Variants in KCND3 observed in about 807,000 individuals in gnomAD.
KCND3 encodes the protein A-type voltage-gated potassium channel KCND3.
KCND3 carries 9 observed loss-of-function variants against 51.1 expected under a neutral mutation model. The ratio of observed to expected loss-of-function variants is 0.18; its 90% CI spans 0.11 to 0.31. KCND3 has a LOEUF of 0.31. KCND3 is among the 10% of genes least tolerant of loss of function. The probability of loss-of-function intolerance (pLI) is 1.00; values close to 1 mark genes in which losing one functional copy is unlikely to be tolerated. For missense variants in KCND3, 526 were observed against 903.8 expected, an observed-to-expected ratio of 0.58 and a Z score of 5.36; for synonymous variants, 349 against 368.0, an observed-to-expected ratio of 0.95 and a Z score of 0.59.
intron 2 of KCND3, among the ~76,000 whole-genome samples, chr1:111,885,279 C>T (rs532022913): frequency 2.0e-5 from 3 of 152,278 alleles, no homozygotes; most frequent in South Asian, 4.1e-4. Flanking sequence ...GGCACGTCCA[C>T]GTTCACAAAC....
intron 2 of KCND3, among the ~76,000 whole-genome samples, chr1:111,943,013 G>A (rs1672598650): frequency 6.6e-6 from 1 of 152,176 alleles, no homozygotes; most frequent in Admixed American, 6.5e-5. Context: ...GGAGAAGACA[G>A]GAGGAGGCAC....
rs868745311 is a variant in KCND3, at chr1:111,989,590, C to G, written c.-158G>C. Among the ~76,000 whole-genome samples the G allele has an allele frequency of 2.4e-4, 35 of 148,166 alleles. No individual in the cohort carries two copies. Among genetic ancestry groups the G allele is most frequent in the Admixed American group, 8.1e-4 (12 of 14,904 alleles). Reference sequence around the variant, plus strand: ...CCGGGAGCCGGGGCCGCGGAGGCGCCGAGCGCCCAGCAGCGCGGGGAAGCG... The same window carrying G: ...CCGGGAGCCGGGGCCGCGGAGGCGCGGAGCGCCCAGCAGCGCGGGGAAGCG... On this transcript the variant is annotated 5_prime_UTR_variant, in exon 1 of 8. Transcript: ENST00000302127.
intron 2 of KCND3, among the ~76,000 whole-genome samples, chr1:111,963,812 A>G (rs1042699249): frequency 2.0e-5 from 3 of 152,190 alleles, no homozygotes; most frequent in Non-Finnish European, 2.9e-5. Context: ...CCTTCTGGGG[A>G]CAGAAACGCC....
Position 111,982,639 on chromosome 1 carries a change from C to A in KCND3, c.88G>T (p.Ala30Ser), listed in dbSNP as rs779475742. ...MPVANCPMPL[A>S]PADKNKRQDE... Reference sequence around the variant, plus strand: ...TGCCGCTTGTTCTTGTCGGCCGGGGCCAGGGGCATGGGGCAGTTGGCCACC... The same window carrying A: ...TGCCGCTTGTTCTTGTCGGCCGGGGACAGGGGCATGGGGCAGTTGGCCACC... Residue 30 changes from alanine to serine, a missense_variant, in exon 2 of 8, where the codon GCC becomes TCC. This residue lies in a region of KCND3 where 159 missense variants were observed against 262.8 expected (regional missense o/e 0.61). Transcript: ENST00000302127. The surrounding 1 kb of genome is among the most constrained non-coding windows in gnomAD (Gnocchi z 8.5). 4 of 1,613,716 alleles carry A rather than the reference C, an allele frequency of 2.5e-6. No individual in the cohort carries two copies. In the East Asian group the frequency reaches 6.7e-5, roughly 27 times the overall value.
chr1:111,983,122 T>C (rs546980784), intron 1 of KCND3, among the ~76,000 whole-genome samples: 1 of 152,160 alleles, frequency 6.6e-6, no homozygotes, highest in African/African-American at 2.4e-5. Context: ...TGGGTAATAA[T>C]CAGCTCTGAA....
At chr1:111,848,904 C>G (rs1268908761) in intron 2 of KCND3, among the ~76,000 whole-genome samples, 2 of 152,162 alleles carry the variant, frequency 1.3e-5, no homozygotes, top group Non-Finnish European at 2.9e-5. Context: ...CTGGGGGCAC[C>G]TCTCTTCCTT....
intron 2 of KCND3, among the ~76,000 whole-genome samples, chr1:111,843,430 T>A (rs552098124): frequency 2.1e-3 from 321 of 152,244 alleles, no homozygotes; most frequent in Non-Finnish European, 3.8e-3. Context: ...AAGCTCCCTG[T>A]TTCTAGAAAG....
intron 2 of KCND3, among the ~76,000 whole-genome samples, chr1:111,976,438 C>T (rs577727808): frequency 7.2e-5 from 11 of 152,332 alleles, no homozygotes; most frequent in South Asian, 6.2e-4. Flanking sequence ...GCACATTCAT[C>T]GGTTCTCATA....
At chr1:111,960,977 T>G (rs1248359644) in intron 2 of KCND3, among the ~76,000 whole-genome samples, 2 of 152,104 alleles carry the variant, frequency 1.3e-5, no homozygotes, top group Non-Finnish European at 2.9e-5. Context: ...TGCCTTGCCA[T>G]GTCCCTGCCA....
intron 2 of KCND3, among the ~76,000 whole-genome samples, chr1:111,858,799 C>T (rs1243875131): frequency 6.6e-6 from 1 of 152,180 alleles, no homozygotes; most frequent in Non-Finnish European, 1.5e-5. Flanking sequence ...AACCTCAATG[C>T]CTACTCTTTT....
At chr1:111,974,846 C>A (rs2101972759) in intron 2 of KCND3, among the ~76,000 whole-genome samples, 1 of 152,320 alleles carries the variant, frequency 6.6e-6, no homozygotes, top group African/African-American at 2.4e-5. Context: ...CAGAAAAGAT[C>A]TGTGAAATGG....
chr1:111,981,671 T>G lies in KCND3; in HGVS notation c.1056A>C (p.Thr352=), dbSNP rs1395715002. Residue 352 remains threonine (T), a synonymous_variant, in exon 2 of 8, where the codon ACA becomes ACC. Coordinates refer to ENST00000302127, the MANE Select transcript of KCND3 (RefSeq NM_001378969.1). The surrounding 1 kb of genome is among the most constrained non-coding windows in gnomAD (Gnocchi z 6.2). ...TGTACCAAAACGAGGCAGGGATGCT[T>G]GTGAACTTGCTGGCCGAGGAGCCCT... ...AEKGSSASKF[T]SIPASFWYTI... The G allele has an allele frequency of 6.2e-7, 1 of 1,614,118 alleles. No homozygotes were observed. The highest frequency in any genetic ancestry group is 1.7e-5 in the Admixed American group (1 of 60,018).
intron 2 of KCND3, among the ~76,000 whole-genome samples, chr1:111,979,422 G>T (rs1481355593): frequency 2.0e-5 from 3 of 152,190 alleles, no homozygotes; most frequent in African/African-American, 7.2e-5. Flanking sequence ...TGTGTGTCTG[G>T]TACAGTGCCT....
At chr1:111,801,588 C>G (rs566439450) in intron 2 of KCND3, among the ~76,000 whole-genome samples, 30 of 152,270 alleles carry the variant, frequency 2.0e-4, no homozygotes, top group African/African-American at 5.8e-4. Context: ...AGTCTTAGCC[C>G]CAGGCCAGGC....
intron 2 of KCND3, among the ~76,000 whole-genome samples, chr1:111,876,483 C>T (rs1013537821): frequency 6.6e-6 from 1 of 152,188 alleles, no homozygotes; most frequent in Non-Finnish European, 1.5e-5. Context: ...CAATGCATCC[C>T]CACCCCATCT....
At chr1:111,814,194 C>A (rs1445102648) in intron 2 of KCND3, among the ~76,000 whole-genome samples, 1 of 152,220 alleles carries the variant, frequency 6.6e-6, no homozygotes, top group African/African-American at 2.4e-5. Flanking sequence ...GGCATTGCGT[C>A]AGACACCGGG....
chr1:111,832,258 G>A (rs1666866711), intron 2 of KCND3, among the ~76,000 whole-genome samples: 1 of 152,222 alleles, frequency 6.6e-6, no homozygotes, highest in Non-Finnish European at 1.5e-5. Context: ...GCATGTGCAT[G>A]TAAGAGTGCC....
At chr1:111,847,538 G>T (rs1336425094) in intron 2 of KCND3, among the ~76,000 whole-genome samples, 1 of 152,168 alleles carries the variant, frequency 6.6e-6, no homozygotes, top group Non-Finnish European at 1.5e-5. Flanking sequence ...CAACAACAGT[G>T]AAGCCGTGCG....
intron 2 of KCND3, among the ~76,000 whole-genome samples, chr1:111,933,401 G>A (rs17675964): frequency 0.065 from 9,965 of 152,328 alleles, 465 homozygotes; most frequent in South Asian, 0.17. Flanking sequence ...TAAGTACTTT[G>A]TGAGTGTTAG....
Sources: gnomAD v4.1 joint callset for allele counts (sites outside exome capture counted in the v4.1 genomes callset) on GRCh38, gnomAD v4.1.1 for gene constraint, gnomAD v4.1.1 regional missense constraint, Gnocchi (gnomAD v3.1) non-coding constraint, MANE v1.5 for transcripts, NCBI Gene and HGNC (gene_info 2026-07-23, HGNC 2026-07-21) for gene names.